Variants in IPO4 observed in about 807,000 individuals in gnomAD.
IPO4 encodes importin-4.
In IPO4, 91 loss-of-function variants were observed where a neutral mutation model predicts 133.5. The observed-to-expected ratio is 0.68, with a 90% CI of 0.58 to 0.81. The LOEUF (loss-of-function observed/expected upper bound fraction) is 0.81. IPO4 is among the 30% of genes least tolerant of loss of function. IPO4 has a pLI of 0.00. For synonymous variants in IPO4, 607 were observed against 581.6 expected (o/e 1.04, Z -0.63); for missense variants, 1,279 against 1,386.2 (o/e 0.92, Z 1.23).
chr14:24,183,460 A>G lies in IPO4; in HGVS notation c.2117T>C (p.Leu706Pro). The G allele has an allele frequency of 6.2e-7, 1 of 1,611,754 alleles. No homozygotes were observed. Among genetic ancestry groups the G allele is most frequent in the Non-Finnish European group, 8.5e-7 (1 of 1,178,724 alleles). ...TCCACCCGCCGGCCCGCTCACCTCC[A>G]GCAGTTTAAATACTTCTTCAAAGAC... ...ESVFEEVFKL[L>P]ECPHLNVRKA... The change falls in exon 21 of 30, where the codon CTG becomes CCG. Residue 706 changes from leucine to proline, a missense_variant. Coordinates refer to ENST00000354464, the MANE Select transcript of IPO4 (RefSeq NM_024658.4).
rs1337367745 is a variant in IPO4 at position 24,185,461 on chromosome 14, G to A, written c.1276C>T (p.Gln426Ter). 1 of 1,614,042 alleles carries A rather than the reference G, an allele frequency of 6.2e-7. No homozygotes were observed. The highest frequency in any genetic ancestry group is 1.1e-5 in the South Asian group (1 of 91,090). Residue 426 changes from glutamine to a stop codon, truncating the protein, a stop_gained and splice_region_variant, in exon 13 of 30, where the codon CAG becomes TAG. Coordinates refer to ENST00000354464, the MANE Select transcript of IPO4 (RefSeq NM_024658.4). LOFTEE classifies it high-confidence loss of function. ...CTCCCACATTCAGCCTGGTTCACCT[G>A]TAGGTTTTCTGAGAACTGGCCCAGG... ...FALGQFSENL[Q>*]PHISSYSREV...
intron 6 of IPO4, 71 bp downstream of exon 6, chr14:24,187,329 G>A (rs2138819610): frequency 6.4e-7 from 1 of 1,564,542 alleles, no homozygotes; most frequent in Non-Finnish European, 8.8e-7. Context: ...AAGCAGCTTT[G>A]TAACTTTTAC....
At position 24,183,087 on chromosome 14, in the gene IPO4, G is replaced by A. The variant is rs201204079; in HGVS notation, c.2310C>T (p.Ala770=). The A allele has an allele frequency of 1.4e-3, 2,318 of 1,613,814 alleles. 3 individuals are homozygous for A. Among genetic ancestry groups the A allele is most frequent in the Non-Finnish European group, 1.7e-3 (2,036 of 1,180,024 alleles). Residue 770 remains alanine (A), a synonymous_variant, in exon 23 of 30, where the codon GCC becomes GCT. Coordinates refer to ENST00000354464, the MANE Select transcript of IPO4 (RefSeq NM_024658.4). ...NRERERQVVM[A]VLEALTGVLR... The stretch of plus-strand genomic sequence containing the variant: ...GCACCCCTGTCAGGGCCTCCAGCAC[G>A]GCCATCACCACCTGGCGTTCCCGCT...
intron 10 of IPO4, 44 bp from the exon 11 acceptor site, chr14:24,186,226 G>T: frequency 6.2e-7 from 1 of 1,610,248 alleles, no homozygotes; most frequent in East Asian, 2.2e-5. Flanking sequence ...CTCCATCTCT[G>T]CCTCCCCAAC....
chr14:24,181,412 G>A, intron 28 of IPO4, 101 bp downstream of exon 28: 2 of 862,730 alleles, frequency 2.3e-6, no homozygotes, highest in South Asian at 1.5e-5. Flanking sequence ...TGCATCAGGT[G>A]CAACTGACAG....
Position 24,188,217 on chromosome 14 carries a change from C to CT in IPO4, c.276dup (p.Glu93ArgfsTer74). ...CGAGAGAAGTGGGTAGGTACTTACT[C>CT]TGTTTCTCTCTGCAGGGCCGTCAGG... On this transcript the variant is annotated frameshift_variant and splice_region_variant, in exon 4 of 30. Coordinates refer to ENST00000354464, the MANE Select transcript of IPO4 (RefSeq NM_024658.4). LOFTEE classifies it high-confidence loss of function. 1 of 1,613,282 alleles carries CT rather than the reference C, an allele frequency of 6.2e-7. No homozygotes were observed. The highest frequency in any genetic ancestry group is 8.5e-7 in the Non-Finnish European group (1 of 1,179,652).
chr14:24,180,851 A>T (rs1321992718), intron 28 of IPO4, 93 bp from the exon 29 acceptor site: 2 of 1,028,964 alleles, frequency 1.9e-6, no homozygotes, highest in East Asian at 2.6e-5. Context: ...ATCTCTTATC[A>T]GGGGGGTGGT....
At position 24,188,201 on chromosome 14, in the gene IPO4, T is replaced by G. The variant is rs6573607; in HGVS notation, c.278+15A>C. Reference sequence around the variant, plus strand: ...AAAGTCGTCAAGATCCCGAGAGAAGTGGGTAGGTACTTACTCTGTTTCTCT... The same window carrying G: ...AAAGTCGTCAAGATCCCGAGAGAAGGGGGTAGGTACTTACTCTGTTTCTCT... On this transcript the variant is annotated intron_variant, in intron 4 of 29. Transcript: ENST00000354464. 0.54 allele frequency: 870,331 copies of G among 1,609,326 alleles called. 245,618 individuals are homozygous for G. The highest frequency in any genetic ancestry group is 0.94 in the East Asian group (42,047 of 44,796).
At chr14:24,182,491 T>C in intron 24 of IPO4, 88 bp from the exon 25 acceptor site, 2 of 1,520,080 alleles carry the variant, frequency 1.3e-6, no homozygotes, top group East Asian at 2.4e-5. Context: ...GCTGCAGGGG[T>C]CCCTGGGGCT....
rs995710906 is a variant in IPO4, at chr14:24,188,756, CGT to C, written c.30_31del (p.Arg11GlyfsTer155). On this transcript the variant is annotated frameshift_variant, in exon 1 of 30. Transcript: ENST00000354464. LOFTEE classifies it high-confidence loss of function. ...CTCGGTGTCCGGTAGCAGCAGCTCCCGTAGGAGCTGCTCTAGCCCGGCTGACT... is the reference window on the plus strand; with the variant it reads ...CTCGGTGTCCGGTAGCAGCAGCTCCCAGGAGCTGCTCTAGCCCGGCTGACT... 6 of 1,534,048 alleles carry C rather than the reference CGT, an allele frequency of 3.9e-6. No homozygotes were observed. In the African/African-American group the frequency reaches 8.3e-5, roughly 21 times the overall value.
At chr14:24,180,811 G>C (rs2039123796) in intron 28 of IPO4, 53 bp from the exon 29 acceptor site, 4 of 1,562,890 alleles carry the variant, frequency 2.6e-6, no homozygotes, top group East Asian at 4.5e-5. Context: ...CCCAGGTCTA[G>C]GAGGGTGGTC....
Position 24,187,438 on chromosome 14 carries a change from G to A in IPO4, c.550C>T (p.Leu184=). Reference sequence around the variant, plus strand: ...CTGAGGTAGGGAGCCATGGTGGTCAGAGTGCGCAGGGAGTAGAAGAGCAGC... The same window carrying A: ...CTGAGGTAGGGAGCCATGGTGGTCAAAGTGCGCAGGGAGTAGAAGAGCAGC... ...PGLLFYSLRT[L]TTMAPYLSTE... The change falls in exon 6 of 30, where the codon CTG becomes TTG. Residue 184 remains leucine (L), a synonymous_variant. Transcript: ENST00000354464. 1 of 1,614,192 alleles carries A rather than the reference G, an allele frequency of 6.2e-7. No individual in the cohort carries two copies. Among genetic ancestry groups the A allele is most frequent in the East Asian group, 2.2e-5 (1 of 44,884 alleles).
chr14:24,188,474 G>A, intron 2 of IPO4, 51 bp from the exon 3 acceptor site: 1 of 1,607,516 alleles, frequency 6.2e-7, no homozygotes, highest in East Asian at 2.2e-5. Flanking sequence ...GGTGCTGAGC[G>A]GACCGCAGTG....
chr14:24,180,275 TG>T lies in IPO4; in HGVS notation c.*166del. On this transcript the variant is annotated 3_prime_UTR_variant, in exon 30 of 30. Coordinates refer to ENST00000354464, the MANE Select transcript of IPO4 (RefSeq NM_024658.4). ...TTACAGTATGATGTCATGACTCATT[TG>T]TAACAGATCCAGCCTCAGGGACAGC... 2 of 1,534,094 alleles carry T rather than the reference TG, an allele frequency of 1.3e-6. No individual in the cohort carries two copies. The highest frequency in any genetic ancestry group is 1.8e-6 in the Non-Finnish European group (2 of 1,136,120).
Position 24,182,342 on chromosome 14 carries a change from G to C in IPO4, c.2534C>G (p.Ala845Gly). The change falls in exon 25 of 30, where the codon GCG becomes GGG. Residue 845 changes from alanine to glycine, a missense_variant. Transcript: ENST00000354464. ...AGEAIPALAA[A>G]AGGDSFAPFF... ...TGGGGCAAAGGAGTCTCCCCCAGCC[G>C]CGGCTGCCAGGGCAGGGATGGCCTC... is the stretch of plus-strand genomic sequence containing the variant. 1.9e-6 allele frequency: 3 copies of C among 1,613,838 alleles called. No homozygotes were observed. The highest frequency in any genetic ancestry group is 2.5e-6 in the Non-Finnish European group (3 of 1,179,894).
At chr14:24,184,557 C>T (rs1323967683) in intron 16 of IPO4, 93 bp downstream of exon 16, 17 of 1,408,922 alleles carry the variant, frequency 1.2e-5, no homozygotes, top group Admixed American at 4.8e-5. Context: ...AGAAGGAAGA[C>T]ATCCGTGCTC....
At position 24,186,324 on chromosome 14, in the gene IPO4, T is replaced by TC; in HGVS notation, c.967dup (p.Glu323GlyfsTer59). 9 of 1,611,664 alleles carry TC rather than the reference T, an allele frequency of 5.6e-6. No homozygotes were observed. Among genetic ancestry groups the TC allele is most frequent in the Non-Finnish European group, 7.6e-6 (9 of 1,178,566 alleles). On this transcript the variant is annotated frameshift_variant, in exon 10 of 30. Transcript: ENST00000354464. LOFTEE classifies it high-confidence loss of function. ...ATGCTTGGGAGTCTCCCCCATCAGC[T>TC]CAATCTCCAACTCTTCCTCTTCTGA... is the stretch of plus-strand genomic sequence containing the variant.
chr14:24,188,491 T>C lies in IPO4; in HGVS notation c.156+61A>G. Reference sequence around the variant, plus strand: ...TGCTGAGCGGACCGCAGTGGGCGAATACTGGGGCTTGACCGGTGGCGTACA... The same window carrying C: ...TGCTGAGCGGACCGCAGTGGGCGAACACTGGGGCTTGACCGGTGGCGTACA... On this transcript the variant is annotated intron_variant, in intron 2 of 29. Coordinates refer to ENST00000354464, the MANE Select transcript of IPO4 (RefSeq NM_024658.4). The C allele has an allele frequency of 1.9e-6, 3 of 1,607,174 alleles. No homozygotes were observed. The South Asian group carries it at 3.3e-5, about 18-fold the overall frequency.
intron 3 of IPO4, 26 bp from the exon 4 acceptor site, chr14:24,188,283 G>A: frequency 6.2e-7 from 1 of 1,613,062 alleles, no homozygotes; most frequent in African/African-American, 1.3e-5. Flanking sequence ...CAGGTGTTTG[G>A]TACCCAGCCT....
Sources: allele counts gnomAD v4.1 joint callset, GRCh38; gene constraint gnomAD v4.1.1; transcripts MANE v1.5; gene names NCBI Gene and HGNC (gene_info 2026-07-23, HGNC 2026-07-21).